Variants in TIMM17A observed in about 807,000 individuals in gnomAD.
TIMM17A encodes translocase of inner mitochondrial membrane 17A.
In TIMM17A, 15 loss-of-function variants were observed where a neutral mutation model predicts 26.5. That is an observed-to-expected ratio of 0.57 (90% CI 0.38 to 0.87). TIMM17A has a LOEUF of 0.87. TIMM17A is among the 40% of genes least tolerant of loss of function. The probability of loss-of-function intolerance (pLI) is 0.00; values close to 1 mark genes in which losing one functional copy is unlikely to be tolerated. For missense variants in TIMM17A, 201 were observed against 210.0 expected (o/e 0.96, Z 0.27); for synonymous variants, 80 against 70.8 (o/e 1.13, Z -0.66).
intron 5 of TIMM17A, among the ~76,000 whole-genome samples, chr1:201,966,849 ATATATATATATAACATATATATGT>A (rs1252859996): frequency 7.0e-6 from 1 of 143,194 alleles, no homozygotes; most frequent in Non-Finnish European, 1.5e-5. Flanking sequence ...CTCAAAAAAT[ATATATATATATAACATATATATGT>A]TATATATATG....
At chr1:201,963,948 C>T (rs988993243) in intron 4 of TIMM17A, among the ~76,000 whole-genome samples, 2 of 150,550 alleles carry the variant, frequency 1.3e-5, no homozygotes, top group African/African-American at 4.9e-5. Flanking sequence ...GAGACCTGGT[C>T]TCTACAAAAA....
At chr1:201,963,389 T>C (rs762333374) in intron 3 of TIMM17A, 9 of 422,560 alleles carry the variant, frequency 2.1e-5, no homozygotes, top group South Asian at 1.4e-4. Flanking sequence ...TTATTTCTTA[T>C]AGGCTTTGGG....
rs185418706 is a variant in TIMM17A at position 201,964,940 on chromosome 1, G to T, written c.320-493G>T. ...TGGGATTACGGGCGTGAGCCACTGCGCCCGGCCCTATTTATTTATTTATTT... is the reference window on the plus strand; with the variant it reads ...TGGGATTACGGGCGTGAGCCACTGCTCCCGGCCCTATTTATTTATTTATTT... On this transcript the variant is annotated intron_variant, in intron 4 of 5. Coordinates refer to ENST00000367287, the MANE Select transcript of TIMM17A (RefSeq NM_006335.3). Among the ~76,000 whole-genome samples, 18 of 148,120 alleles carry T rather than the reference G, an allele frequency of 1.2e-4. No homozygotes were observed. The East Asian group carries it at 3.6e-3, about 30-fold the overall frequency.
rs1682393968 is a variant in TIMM17A, at chr1:201,955,564, C to T, written c.26+12C>T. On this transcript the variant is annotated intron_variant, in intron 1 of 5. Transcript: ENST00000367287. ...GCGCGAGAGCCTTGGTGAGCTTCAC[C>T]GCTGTCTTTGCATTTCTCTTGCCCC... The T allele has an allele frequency of 2.5e-6, 4 of 1,614,124 alleles. No homozygotes were observed. The highest frequency in any genetic ancestry group is 1.3e-5 in the African/African-American group (1 of 74,944).
chr1:201,968,222 C>T (rs1413272476), intron 5 of TIMM17A, among the ~76,000 whole-genome samples: 2 of 151,346 alleles, frequency 1.3e-5, no homozygotes, highest in African/African-American at 2.4e-5. Context: ...AGGCTGGTCT[C>T]GAACTCCTGA....
chr1:201,960,842 A>G (rs1324963836), intron 3 of TIMM17A, among the ~76,000 whole-genome samples: 1 of 151,610 alleles, frequency 6.6e-6, no homozygotes, highest in Non-Finnish European at 1.5e-5. Flanking sequence ...TCCGCCTCCC[A>G]GGTTCAAGTG....
chr1:201,960,491 G>A (rs1682505547), intron 3 of TIMM17A, among the ~76,000 whole-genome samples: 1 of 152,160 alleles, frequency 6.6e-6, no homozygotes, highest in Admixed American at 6.5e-5. Flanking sequence ...GGAAAAACTG[G>A]AAGAGTTTAT....
chr1:201,957,550 A>C lies in TIMM17A; in HGVS notation c.166A>C (p.Lys56Gln). ...ACTACGAGGGAGTTTGACAGCTATT[A>C]AAACCAGGGCTCCACAGTTAGGAGG... ...HRLRGSLTAI[K>Q]TRAPQLGGSF... The change falls in exon 3 of 6, where the codon AAA becomes CAA. Residue 56 changes from lysine (K) to glutamine (Q), a missense_variant. Lys to Gln is a moderately conservative substitution (Grantham distance 53). Coordinates refer to ENST00000367287, the MANE Select transcript of TIMM17A (RefSeq NM_006335.3). 1.9e-6 allele frequency: 3 copies of C among 1,613,644 alleles called. No homozygotes were observed. Among genetic ancestry groups the C allele is most frequent in the Non-Finnish European group, 2.5e-6 (3 of 1,179,994 alleles).
chr1:201,961,418 G>T, intron 3 of TIMM17A, among the ~76,000 whole-genome samples: 1 of 152,134 alleles, frequency 6.6e-6, no homozygotes, highest in East Asian at 1.9e-4. Context: ...ACATGTCCCT[G>T]TTACTCTTTG....
At position 201,970,367 on chromosome 1, in the gene TIMM17A, T is replaced by TATGTGTTCCAAGTCCCCAA. The variant is rs1254775963; in HGVS notation, c.*814_*815insTGTGTTCCAAGTCCCCAAA. ...TTGAATGTGTTCCAAGTCCTCTGCA[T>TATGTGTTCCAAGTCCCCAA]AAACGATGTATTTTGGGGTCTGGTT... is the stretch of plus-strand genomic sequence containing the variant. On this transcript the variant is annotated 3_prime_UTR_variant, in exon 6 of 6. Coordinates refer to ENST00000367287, the MANE Select transcript of TIMM17A (RefSeq NM_006335.3). 1 of 152,264 alleles carries TATGTGTTCCAAGTCCCCAA rather than the reference T, an allele frequency of 6.6e-6. No homozygotes were observed. Among genetic ancestry groups the TATGTGTTCCAAGTCCCCAA allele is most frequent in the Non-Finnish European group, 1.5e-5 (1 of 68,056 alleles). 9.4% of individuals were successfully genotyped at this position (152,264 alleles called of 1,614,324 possible).
intron 5 of TIMM17A, 66 bp downstream of exon 5, chr1:201,965,609 A>G: frequency 9.6e-7 from 1 of 1,038,852 alleles, no homozygotes. Context: ...TTAAGAAAGA[A>G]CATACTTTGT....
Position 201,955,566 on chromosome 1 carries a change from CTG to C in TIMM17A, c.26+16_26+17del. On this transcript the variant is annotated intron_variant, in intron 1 of 5. Coordinates refer to ENST00000367287, the MANE Select transcript of TIMM17A (RefSeq NM_006335.3). ...GCGAGAGCCTTGGTGAGCTTCACCG[CTG>C]TCTTTGCATTTCTCTTGCCCCCCTG... 1.9e-6 allele frequency: 3 copies of C among 1,614,252 alleles called. No individual in the cohort carries two copies. The highest frequency in any genetic ancestry group is 2.5e-6 in the Non-Finnish European group (3 of 1,180,040).
At chr1:201,966,443 C>G (rs765351690) in intron 5 of TIMM17A, among the ~76,000 whole-genome samples, 1 of 152,110 alleles carries the variant, frequency 6.6e-6, no homozygotes, top group Non-Finnish European at 1.5e-5. Flanking sequence ...CACTTGACCC[C>G]AGGAGTTCAA....
At chr1:201,966,993 G>A (rs201118333) in intron 5 of TIMM17A, among the ~76,000 whole-genome samples, 40 of 29,914 alleles carry the variant, frequency 1.3e-3, no homozygotes, top group Admixed American at 3.7e-3. Flanking sequence ...TATATATGTT[G>A]TGTGTGTGTG....
At chr1:201,960,196 C>T (rs1014360411) in intron 3 of TIMM17A, among the ~76,000 whole-genome samples, 6 of 151,860 alleles carry the variant, frequency 4.0e-5, no homozygotes, top group African/African-American at 7.3e-5. Flanking sequence ...GTCGAGAGTT[C>T]GAAACCATCC....
chr1:201,963,424 TA>T (rs555504723), intron 3 of TIMM17A, 191 bp from the exon 4 acceptor site: 659 of 573,074 alleles, frequency 1.1e-3, no homozygotes, highest in Admixed American at 2.0e-3. Context: ...CCAGCTGATA[TA>T]ATACAATCCA....
chr1:201,960,364 C>T (rs1204411911), intron 3 of TIMM17A, among the ~76,000 whole-genome samples: 2 of 151,696 alleles, frequency 1.3e-5, no homozygotes, highest in Admixed American at 6.6e-5. Context: ...TGTGCCATTG[C>T]ACTCTAGCCT....
At chr1:201,956,289 A>C (rs1470682741) in intron 1 of TIMM17A, among the ~76,000 whole-genome samples, 1 of 152,270 alleles carries the variant, frequency 6.6e-6, no homozygotes, top group Non-Finnish European at 1.5e-5. Flanking sequence ...CAGAAGTCTC[A>C]GGTTGCCAGA....
chr1:201,956,129 G>A (rs1310815841), intron 1 of TIMM17A, among the ~76,000 whole-genome samples: 1 of 152,178 alleles, frequency 6.6e-6, no homozygotes, highest in Non-Finnish European at 1.5e-5. Context: ...CTTGAGGGTA[G>A]AGGGGGACAA....
Sources: gnomAD v4.1 joint callset for allele counts (sites outside exome capture counted in the v4.1 genomes callset) on GRCh38, gnomAD v4.1.1 for gene constraint, MANE v1.5 for transcripts, NCBI Gene and HGNC (gene_info 2026-07-23, HGNC 2026-07-21) for gene names.